The following LRMDA variants were observed in gnomAD, a reference collection of about 807,000 sequenced individuals.
The protein encoded by LRMDA is leucine rich melanocyte differentiation associated, also known as leucine-rich melanocyte differentiation-associated protein.
A neutral mutation model predicts 29.8 loss-of-function variants in LRMDA; 18 were observed. The observed-to-expected ratio is 0.60, with a 90% CI of 0.42 to 0.90. LRMDA has a LOEUF of 0.90. Ranked by LOEUF, LRMDA falls within the 40% of genes least tolerant of loss-of-function variation. LRMDA has a pLI of 0.00. For missense variants in LRMDA, 273 were observed against 273.9 expected, an observed-to-expected ratio of 1.00 and a Z score of 0.02; for synonymous variants, 125 against 109.4, an observed-to-expected ratio of 1.14 and a Z score of -0.89.
chr10:75,815,241 G>T (rs1414112380), intron 2 of LRMDA, among the ~76,000 whole-genome samples: 1 of 152,202 alleles, frequency 6.6e-6, no homozygotes, highest in African/African-American at 2.4e-5. Flanking sequence ...AAACCAATGG[G>T]TGTGTTACAT....
At chr10:75,940,408 G>A (rs569532361) in intron 2 of LRMDA, among the ~76,000 whole-genome samples, 106 of 152,192 alleles carry the variant, frequency 7.0e-4, no homozygotes, top group African/African-American at 2.5e-3. Context: ...CTGTTCTGAG[G>A]ACAGCTGAAG....
chr10:75,898,621 C>A (rs561122197), intron 2 of LRMDA, among the ~76,000 whole-genome samples: 44 of 151,378 alleles, frequency 2.9e-4, no homozygotes, highest in Middle Eastern at 3.4e-3. Flanking sequence ...AAAAAAAAAA[C>A]ACACATTTTG....
intron 2 of LRMDA, among the ~76,000 whole-genome samples, chr10:75,982,910 G>T (rs1184555805): frequency 6.6e-6 from 1 of 152,152 alleles, no homozygotes; most frequent in Non-Finnish European, 1.5e-5. Context: ...AGCCTTTCCA[G>T]CAGCCTCGCA....
intron 5 of LRMDA, among the ~76,000 whole-genome samples, chr10:76,189,634 G>A (rs955673472): frequency 9.2e-5 from 14 of 152,202 alleles, no homozygotes; most frequent in African/African-American, 3.1e-4. Context: ...CAGAGTGACA[G>A]ATGTCATGTA....
At chr10:75,498,082 T>G (rs1845068371) in intron 2 of LRMDA, among the ~76,000 whole-genome samples, 1 of 152,192 alleles carries the variant, frequency 6.6e-6, no homozygotes, top group Non-Finnish European at 1.5e-5. Context: ...GTTGTCAGTC[T>G]TTTTCATTGT....
intron 2 of LRMDA, among the ~76,000 whole-genome samples, chr10:75,996,813 A>G (rs1847472968): frequency 6.6e-6 from 1 of 151,418 alleles, no homozygotes; most frequent in Non-Finnish European, 1.5e-5. Context: ...GCTCACTGCA[A>G]GCTCCGCCTC....
intron 6 of LRMDA, among the ~76,000 whole-genome samples, chr10:76,357,785 A>G (rs1053633745): frequency 1.3e-5 from 2 of 152,172 alleles, no homozygotes; most frequent in African/African-American, 4.8e-5. Flanking sequence ...TCTCGTCTCC[A>G]GTCTCCCTTT....
intron 2 of LRMDA, among the ~76,000 whole-genome samples, chr10:75,689,954 AT>A (rs201041979): frequency 0.067 from 9,975 of 148,958 alleles, 446 homozygotes; most frequent in South Asian, 0.13. Flanking sequence ...TTGGTTGTAA[AT>A]TTTTTTTTTT....
rs1298714768 is a variant in LRMDA, at chr10:76,558,730, C to G, written c.*1442C>G. ...TGGGGACTCAGAATCCCTAAGCTGC[C>G]CAAGGAGAACCTACTTTCTCAGCTC... On this transcript the variant is annotated 3_prime_UTR_variant, in exon 7 of 7. Coordinates refer to ENST00000611255, the MANE Select transcript of LRMDA (RefSeq NM_001305581.2). The G allele has an allele frequency of 6.6e-6, 1 of 152,086 alleles. No homozygotes were observed. Among genetic ancestry groups the G allele is most frequent in the Non-Finnish European group, 1.5e-5 (1 of 68,022 alleles). 9.4% of individuals were successfully genotyped at this position (152,086 alleles called of 1,614,324 possible). A position where few individuals can be genotyped will look rare whatever the true frequency, so the allele number is the denominator to read the frequency against.
chr10:75,655,397 G>T (rs1841655573), intron 2 of LRMDA, among the ~76,000 whole-genome samples: 1 of 152,264 alleles, frequency 6.6e-6, no homozygotes, highest in African/African-American at 2.4e-5. Flanking sequence ...TGACCATCCT[G>T]TTGGGATTGC....
At chr10:76,045,136 CCT>C (rs1848412358) in intron 3 of LRMDA, among the ~76,000 whole-genome samples, 1 of 150,678 alleles carries the variant, frequency 6.6e-6, no homozygotes, top group African/African-American at 2.4e-5. Flanking sequence ...CTAGTTTCCC[CCT>C]CTCTTGCTAC....
chr10:75,459,128 C>T (rs551375452), intron 2 of LRMDA, among the ~76,000 whole-genome samples: 41 of 152,052 alleles, frequency 2.7e-4, no homozygotes, highest in African/African-American at 9.6e-4. Flanking sequence ...AAAAAAAACC[C>T]GCTGCTTTTA....
intron 2 of LRMDA, among the ~76,000 whole-genome samples, chr10:75,858,159 G>A (rs945257356): frequency 1.3e-5 from 2 of 152,104 alleles, no homozygotes; most frequent in Non-Finnish European, 2.9e-5. Flanking sequence ...CCCCGTACCA[G>A]CCCACCAGCA....
At chr10:76,265,678 AGGTGAC>A (rs1180390798) in intron 5 of LRMDA, among the ~76,000 whole-genome samples, 1 of 152,214 alleles carries the variant, frequency 6.6e-6, no homozygotes, top group Non-Finnish European at 1.5e-5. Flanking sequence ...CTGAGTTCCA[AGGTGAC>A]TGTACATTGG....
At chr10:76,517,177 G>A (rs1168386087) in intron 6 of LRMDA, among the ~76,000 whole-genome samples, 1 of 152,054 alleles carries the variant, frequency 6.6e-6, no homozygotes, top group Non-Finnish European at 1.5e-5. Flanking sequence ...AAAGATAGGA[G>A]AGCCATACTT....
intron 2 of LRMDA, among the ~76,000 whole-genome samples, chr10:75,869,453 G>A (rs1320697637): frequency 2.0e-5 from 3 of 152,130 alleles, no homozygotes; most frequent in Middle Eastern, 3.2e-3. Flanking sequence ...ATGTTAGCTC[G>A]TCTTATCTTT....
chr10:76,551,716 G>T lies in LRMDA; in HGVS notation c.602-5493G>T, dbSNP rs534248192. On this transcript the variant is annotated intron_variant, in intron 6 of 6. Coordinates refer to ENST00000611255, the MANE Select transcript of LRMDA (RefSeq NM_001305581.2). The stretch of plus-strand genomic sequence containing the variant: ...GGTACCGGGTGTTAGAAATTGGGGA[G>T]GAGGGAGAATATTATAGGGGATGAC... Among the ~76,000 whole-genome samples, 15 of 152,306 alleles carry T rather than the reference G, an allele frequency of 9.8e-5. No individual in the cohort carries two copies. In the Middle Eastern group the frequency reaches 0.014, roughly 138 times the overall value.
intron 2 of LRMDA, among the ~76,000 whole-genome samples, chr10:76,031,286 C>T (rs1488635720): frequency 6.6e-6 from 1 of 152,172 alleles, no homozygotes; most frequent in Non-Finnish European, 1.5e-5. Context: ...CTGGTATACC[C>T]ATGCAGACTT....
chr10:76,331,202 C>T (rs983564172), intron 6 of LRMDA, among the ~76,000 whole-genome samples: 4 of 152,126 alleles, frequency 2.6e-5, no homozygotes, highest in African/African-American at 9.7e-5. Context: ...ACCCAGGAGG[C>T]GAAGGTTGCA....
Sources: gnomAD v4.1 joint callset for allele counts (sites outside exome capture counted in the v4.1 genomes callset) on GRCh38, gnomAD v4.1.1 for gene constraint, MANE v1.5 for transcripts, NCBI Gene and HGNC (gene_info 2026-07-23, HGNC 2026-07-21) for gene names.